Variants in PCBP3 observed in about 807,000 individuals in gnomAD.
PCBP3 encodes poly(rC)-binding protein 3.
In PCBP3, 25 loss-of-function variants were observed where a neutral mutation model predicts 52.7. The observed-to-expected ratio is 0.47, with a 90% CI of 0.35 to 0.66. PCBP3 has a LOEUF of 0.66. PCBP3 is among the 30% of genes least tolerant of loss of function. The pLI, the probability that PCBP3 is intolerant of heterozygous loss-of-function variation, is 0.01. For synonymous variants in PCBP3, 162 were observed against 183.0 expected (o/e 0.89, Z 0.93); for missense variants, 391 against 490.3 (o/e 0.80, Z 1.91).
intron 2 of PCBP3, among the ~76,000 whole-genome samples, chr21:45,694,290 G>A (rs1341265284): frequency 6.6e-6 from 1 of 152,088 alleles, no homozygotes; most frequent in Admixed American, 6.5e-5. Context: ...AAATTCTAAA[G>A]GTTGTCTATA....
At chr21:45,734,612 G>A (rs2085714366) in intron 2 of PCBP3, among the ~76,000 whole-genome samples, 1 of 152,140 alleles carries the variant, frequency 6.6e-6, no homozygotes, top group Non-Finnish European at 1.5e-5. Context: ...CCCTGGCCTT[G>A]CCTGGGTTCC....
At chr21:45,839,753 C>G (rs538698480) in intron 4 of PCBP3, among the ~76,000 whole-genome samples, 1 of 152,278 alleles carries the variant, frequency 6.6e-6, no homozygotes, top group South Asian at 2.1e-4. Context: ...GTGGTACGAA[C>G]TCGGCTCACT....
chr21:45,927,440 C>T (rs537565347), intron 13 of PCBP3, among the ~76,000 whole-genome samples: 165 of 144,270 alleles, frequency 1.1e-3, no homozygotes, highest in Non-Finnish European at 5.9e-4. Context: ...ATTTTTTCAA[C>T]AGGGCAGAAT....
chr21:45,927,800 C>G (rs2075671215), intron 13 of PCBP3, among the ~76,000 whole-genome samples: 1 of 152,178 alleles, frequency 6.6e-6, no homozygotes, highest in South Asian at 2.1e-4. Context: ...GAACTGAGGC[C>G]TGGAGACACC....
chr21:45,719,028 C>T (rs545479185), intron 2 of PCBP3, among the ~76,000 whole-genome samples: 22 of 152,046 alleles, frequency 1.4e-4, no homozygotes, highest in Non-Finnish European at 2.8e-4. Context: ...TAAGCAGGGC[C>T]AAGCAGCAAA....
intron 5 of PCBP3, among the ~76,000 whole-genome samples, chr21:45,870,531 A>G (rs1236413975): frequency 6.6e-6 from 1 of 152,152 alleles, no homozygotes; most frequent in Non-Finnish European, 1.5e-5. Flanking sequence ...GGAGACACTC[A>G]TGACCACCGC....
chr21:45,897,172 T>C (rs2095855538), intron 6 of PCBP3, among the ~76,000 whole-genome samples: 1 of 152,228 alleles, frequency 6.6e-6, no homozygotes, highest in Non-Finnish European at 1.5e-5. Flanking sequence ...CAACCTGATA[T>C]CTTCTGCGTG....
intron 5 of PCBP3, among the ~76,000 whole-genome samples, chr21:45,877,526 A>G (rs947275768): frequency 5.3e-5 from 8 of 152,254 alleles, no homozygotes; most frequent in Non-Finnish European, 7.3e-5. Context: ...TGAAATGGCC[A>G]GGTGCAATGG....
At chr21:45,807,874 G>C (rs113188113) in intron 4 of PCBP3, among the ~76,000 whole-genome samples, 1 of 151,970 alleles carries the variant, frequency 6.6e-6, no homozygotes. Context: ...ACAGAACAGA[G>C]GCCTCCGATA....
intron 2 of PCBP3, among the ~76,000 whole-genome samples, chr21:45,677,731 C>A (rs2147442410): frequency 6.6e-6 from 1 of 152,286 alleles, no homozygotes; most frequent in East Asian, 1.9e-4. Context: ...ATTTACCATT[C>A]CAAAACTCTA....
intron 13 of PCBP3, chr21:45,918,083 AC>A: frequency 4.5e-6 from 1 of 224,648 alleles, no homozygotes; most frequent in Non-Finnish European, 8.9e-6. Context: ...TTCAGAGTCC[AC>A]ATGAAAACAT....
At chr21:45,764,126 T>C (rs1488310689) in intron 4 of PCBP3, among the ~76,000 whole-genome samples, 1 of 151,084 alleles carries the variant, frequency 6.6e-6, no homozygotes, top group Non-Finnish European at 1.5e-5. Context: ...TTTCTTTTTT[T>C]TTTTTTTGTT....
rs2085830048 is a variant in PCBP3, at chr21:45,735,854, G to C, written c.-162+425G>C. 6.6e-6 allele frequency among the ~76,000 whole-genome samples: 1 copy of C among 152,192 alleles called. No homozygotes were observed. The highest frequency in any genetic ancestry group is 1.9e-4 in the East Asian group (1 of 5,192). On this transcript the variant is annotated intron_variant, in intron 3 of 17. Transcript: ENST00000681687. This position sits in a 1 kb window ranked among gnomAD's most constrained non-coding sequence, Gnocchi z 4.0. ...CTGCCCGGTAGTGCCTGTGTGTGCG[G>C]TGGCCATGATGGCACCACAATGTCT...
chr21:45,899,884 G>T (rs1415850911), intron 7 of PCBP3, among the ~76,000 whole-genome samples: 1 of 152,208 alleles, frequency 6.6e-6, no homozygotes, highest in South Asian at 2.1e-4. Context: ...TGGCCTTGGT[G>T]GCCAGTCCTT....
intron 1 of PCBP3, among the ~76,000 whole-genome samples, chr21:45,644,183 C>G (rs911692778): frequency 2.0e-5 from 3 of 151,660 alleles, no homozygotes; most frequent in Admixed American, 1.3e-4. Flanking sequence ...GGTCAGAAAA[C>G]GTCTGGACTA....
At position 45,689,049 on chromosome 21, in the gene PCBP3, T is replaced by C. The variant is rs548432144; in HGVS notation, c.-200+20097T>C. Among the ~76,000 whole-genome samples, 12 of 151,490 alleles carry C rather than the reference T, an allele frequency of 7.9e-5. No homozygotes were observed. The East Asian group carries it at 1.5e-3, about 20-fold the overall frequency. On this transcript the variant is annotated intron_variant, in intron 2 of 17. Transcript: ENST00000681687. ...CCTACACAATTTTTTTTTCAGAAAA[T>C]GGATGAGGGAATACTGCCGAATTTA...
intron 5 of PCBP3, among the ~76,000 whole-genome samples, chr21:45,889,397 T>G (rs1423086428): frequency 6.6e-6 from 1 of 152,228 alleles, no homozygotes; most frequent in African/African-American, 2.4e-5. Context: ...GCCTCCATTG[T>G]GAAGACCCAG....
In PCBP3 at chr21:45,805,032, G is replaced by A. The variant is rs575684843; in HGVS notation, c.-125-44929G>A. On this transcript the variant is annotated intron_variant, in intron 4 of 17. Transcript: ENST00000681687. The surrounding 1 kb of genome is among the most constrained non-coding windows in gnomAD (Gnocchi z 4.6). ...TTCCCACTGCCTGGATGCTGTGACC[G>A]CCTGATCCCGTGGTGATGGCACAGC... Among the ~76,000 whole-genome samples the A allele has an allele frequency of 2.0e-5, 3 of 152,184 alleles. No homozygotes were observed. The highest frequency in any genetic ancestry group is 4.1e-4 in the South Asian group (2 of 4,836).
At chr21:45,934,439 T>C (rs1259808234) in intron 15 of PCBP3, among the ~76,000 whole-genome samples, 1 of 152,218 alleles carries the variant, frequency 6.6e-6, no homozygotes, top group African/African-American at 2.4e-5. Context: ...TTTTATCTGA[T>C]GGTACTAAGT....
Sources: gnomAD v4.1 joint callset for allele counts (sites outside exome capture counted in the v4.1 genomes callset) on GRCh38, gnomAD v4.1.1 for gene constraint, Gnocchi (gnomAD v3.1) non-coding constraint, MANE v1.5 for transcripts, NCBI Gene and HGNC (gene_info 2026-07-23, HGNC 2026-07-21) for gene names.